Variants in NECTIN3 observed in about 807,000 individuals in gnomAD.
NECTIN3 encodes the protein nectin-3.
In NECTIN3, 8 loss-of-function variants were observed where a neutral mutation model predicts 49.4. The observed-to-expected ratio is 0.16, with a 90% confidence interval of 0.10 to 0.29. The LOEUF is 0.29. Ranked by LOEUF, NECTIN3 falls within the 10% of genes least tolerant of loss-of-function variation. The probability of loss-of-function intolerance (pLI) is 1.00; values close to 1 mark genes in which losing one functional copy is unlikely to be tolerated. For synonymous variants in NECTIN3, 277 were observed against 241.1 expected, an observed-to-expected ratio of 1.15 and a Z score of -1.38; for missense variants, 581 against 654.6, an observed-to-expected ratio of 0.89 and a Z score of 1.23.
At chr3:111,089,406 C>CGTGTGTGTGT (rs139575444) in intron 1 of NECTIN3, among the ~76,000 whole-genome samples, 28 of 147,100 alleles carry the variant, frequency 1.9e-4, no homozygotes, top group African/African-American at 6.7e-4. Flanking sequence ...CAGCCTTTCT[C>CGTGTGTGTGT]GTGTGTGTGT....
chr3:111,102,033 T>G (rs2032933061), intron 1 of NECTIN3, among the ~76,000 whole-genome samples: 1 of 152,156 alleles, frequency 6.6e-6, no homozygotes, highest in Admixed American at 6.5e-5. Flanking sequence ...CTATGGCAAA[T>G]GATACTGTCC....
rs2034496702 is a variant in NECTIN3 at position 111,134,181 on chromosome 3, G to T, written c.1616G>T (p.Gly539Val). ...GATGACTTAGTTTCACATGTAGATG[G>T]TTCCGTAATTTCCAGGAGGGAGTGG... is the stretch of plus-strand genomic sequence containing the variant. ...NEDDLVSHVD[G>V]SVISRREWYV Residue 539 changes from glycine to valine, a missense_variant, in exon 6 of 6, where the codon GGT (glycine) becomes GTT (valine). Gly to Val is a moderately radical substitution (Grantham distance 109). Transcript: ENST00000485303. 1 of 1,608,516 alleles carries T rather than the reference G, an allele frequency of 6.2e-7. No individual in the cohort carries two copies. The highest frequency in any genetic ancestry group is 8.5e-7 in the Non-Finnish European group (1 of 1,177,766).
chr3:111,082,494 G>A (rs2031678341), intron 1 of NECTIN3, among the ~76,000 whole-genome samples: 1 of 152,070 alleles, frequency 6.6e-6, no homozygotes, highest in South Asian at 2.1e-4. Context: ...GAGGGAGAGA[G>A]AAGAAAAATG....
chr3:111,139,357 G>T (rs539195168), downstream of NECTIN3, among the ~76,000 whole-genome samples: 1 of 151,644 alleles, frequency 6.6e-6, no homozygotes, highest in South Asian at 2.1e-4. Context: ...ATTTTCCCTT[G>T]CAATTTATTT....
intron 7 of NECTIN3, among the ~76,000 whole-genome samples, chr3:111,165,550 C>T (rs1361919157): frequency 2.6e-5 from 4 of 152,146 alleles, no homozygotes; most frequent in Non-Finnish European, 1.5e-5. Context: ...AAGATTGAAA[C>T]TGCCCCATAC....
downstream of NECTIN3, among the ~76,000 whole-genome samples, chr3:111,140,750 G>T (rs934766298): frequency 4.6e-5 from 7 of 151,744 alleles, no homozygotes; most frequent in Admixed American, 1.3e-4. Flanking sequence ...CCAAGTGAAG[G>T]GCTGTCTACT....
chr3:111,172,996 C>T (rs988230260), intron 7 of NECTIN3, among the ~76,000 whole-genome samples: 3 of 152,124 alleles, frequency 2.0e-5, no homozygotes, highest in Non-Finnish European at 4.4e-5. Flanking sequence ...ATTTTTTCCT[C>T]CAAGCAACTT....
intron 3 of NECTIN3, among the ~76,000 whole-genome samples, chr3:111,120,126 G>A (rs2033881737): frequency 6.6e-6 from 1 of 152,006 alleles, no homozygotes. Context: ...CTTTTACAGA[G>A]TGTTAACTTT....
intron 1 of NECTIN3, chr3:111,072,592 C>T (rs955348322): frequency 3.9e-6 from 6 of 1,533,244 alleles, no homozygotes; most frequent in East Asian, 2.5e-5. Context: ...CCCTAGGGAC[C>T]GGAGCCCGAT....
chr3:111,111,371 A>G (rs1298664962), intron 1 of NECTIN3, among the ~76,000 whole-genome samples: 1 of 152,176 alleles, frequency 6.6e-6, no homozygotes, highest in Non-Finnish European at 1.5e-5. Context: ...TTACATTTAT[A>G]TAAGCATTTC....
chr3:111,102,837 T>C (rs2032981491), intron 1 of NECTIN3, among the ~76,000 whole-genome samples: 1 of 152,206 alleles, frequency 6.6e-6, no homozygotes, highest in African/African-American at 2.4e-5. Context: ...AGATATAAAA[T>C]CTGTGTCTAG....
chr3:111,092,537 A>G (rs571390284), intron 1 of NECTIN3, among the ~76,000 whole-genome samples: 21 of 152,266 alleles, frequency 1.4e-4, no homozygotes, highest in Admixed American at 2.6e-4. Context: ...TTGCAGGACC[A>G]TTTGTTGAAA....
At chr3:111,129,836 G>A (rs927439672) in intron 5 of NECTIN3, among the ~76,000 whole-genome samples, 2 of 151,854 alleles carry the variant, frequency 1.3e-5, no homozygotes, top group African/African-American at 4.8e-5. Context: ...TTTTAGAAGA[G>A]ACAGGGTTTC....
chr3:111,170,963 G>A (rs1016230147), intron 7 of NECTIN3, among the ~76,000 whole-genome samples: 2 of 152,058 alleles, frequency 1.3e-5, no homozygotes, highest in Non-Finnish European at 2.9e-5. Flanking sequence ...CTGAATTTGG[G>A]TTCTTAACTT....
In NECTIN3 at chr3:111,134,936, A is replaced by G; in HGVS notation, c.*721A>G. The G allele has an allele frequency of 1.0e-6, 1 of 983,150 alleles. No individual in the cohort carries two copies. Among genetic ancestry groups the G allele is most frequent in the Non-Finnish European group, 1.2e-6 (1 of 828,036 alleles). 60.9% of individuals were successfully genotyped at this position (983,150 alleles called of 1,614,324 possible). A position where few individuals can be genotyped will look rare whatever the true frequency, so the allele number is the denominator to read the frequency against. The stretch of plus-strand genomic sequence containing the variant: ...TATTTTTGTCCAAAATACCTGCAAG[A>G]GTAATAAAATACATACCTTTCAAAC... On this transcript the variant is annotated 3_prime_UTR_variant, in exon 6 of 6. Coordinates refer to ENST00000485303, the MANE Select transcript of NECTIN3 (RefSeq NM_015480.3).
chr3:111,085,554 T>A (rs2031875773), intron 1 of NECTIN3, among the ~76,000 whole-genome samples: 1 of 152,200 alleles, frequency 6.6e-6, no homozygotes, highest in African/African-American at 2.4e-5. Context: ...CAGAAGTCCT[T>A]CTCTCATACT....
At chr3:111,116,951 G>A (rs1212483031) in intron 2 of NECTIN3, among the ~76,000 whole-genome samples, 1 of 152,016 alleles carries the variant, frequency 6.6e-6, no homozygotes, top group Non-Finnish European at 1.5e-5. Flanking sequence ...ATCTGATAAA[G>A]TTGAAAATAA....
At chr3:111,124,071 G>T (rs1329749287) in intron 4 of NECTIN3, among the ~76,000 whole-genome samples, 1 of 152,078 alleles carries the variant, frequency 6.6e-6, no homozygotes, top group African/African-American at 2.4e-5. Context: ...ACTATATCTG[G>T]TCAATCAGTT....
rs1334591951 is a variant in NECTIN3 at position 111,112,349 on chromosome 3, C to G, written c.480C>G (p.Ser160=). 7 of 1,606,376 alleles carry G rather than the reference C, an allele frequency of 4.4e-6. No homozygotes were observed. Among genetic ancestry groups the G allele is most frequent in the Non-Finnish European group, 6.0e-6 (7 of 1,174,512 alleles). ...CATTCCCGCTTGGAAATGCCCAGTC[C>G]TCTACAACTGTAACTGTGTTAGGTA... ...AVTFPLGNAQ[S]STTVTVLVEP... is the part of the protein sequence containing the mutation. The change falls in exon 2 of 6, where the codon TCC becomes TCG. Residue 160 remains serine, a synonymous_variant. Transcript: ENST00000485303.
Sources: allele counts gnomAD v4.1 joint callset (sites outside exome capture counted in the v4.1 genomes callset), GRCh38; gene constraint gnomAD v4.1.1; transcripts MANE v1.5; gene names NCBI Gene and HGNC (gene_info 2026-07-23, HGNC 2026-07-21).